PIGX: variants seen among roughly 807,000 people sequenced by gnomAD.
PIGX encodes phosphatidylinositol glycan anchor biosynthesis class X, also known as GPI alpha-1,4-mannosyltransferase I, stabilizing subunit.
In PIGX, 24 loss-of-function variants were observed where a neutral mutation model predicts 28.7. That is an observed-to-expected ratio of 0.84 (90% CI 0.60 to 1.17). The LOEUF (loss-of-function observed/expected upper bound fraction) is 1.17. PIGX is among the 50% of genes most tolerant of loss of function. PIGX has a pLI of 0.00. For synonymous variants in PIGX, 127 were observed against 121.0 expected, an observed-to-expected ratio of 1.05 and a Z score of -0.33; for missense variants, 305 against 317.8, an observed-to-expected ratio of 0.96 and a Z score of 0.31.
rs572056153 is a variant in PIGX, at chr3:196,729,233, G to T, written c.532+1097G>T. On this transcript the variant is annotated intron_variant, in intron 4 of 5. Transcript: ENST00000392391. ...CTGTAATCCCAGCTACTTGGGAGGC[G>T]GAGGCAGGAGAATCATTTGAACCCA... 2.1e-3 allele frequency among the ~76,000 whole-genome samples: 314 copies of T among 151,816 alleles called. 1 individual carries two copies. The highest frequency in any genetic ancestry group is 3.0e-3 in the Non-Finnish European group (206 of 67,926).
chr3:196,733,764 T>C lies in PIGX; in HGVS notation c.639T>C (p.Tyr213=). Residue 213 remains tyrosine (Y), a synonymous_variant, in exon 6 of 6, where the codon TAT becomes TAC. Coordinates refer to ENST00000392391, the MANE Select transcript of PIGX (RefSeq NM_017861.4). The surrounding 1 kb of genome is among the most constrained non-coding windows in gnomAD (Gnocchi z 4.3). ...TTCTCTCTCTCTCTCCATAGGTATATAAGAATGTGATTCTACAAGTTCCAG... is the reference window on the plus strand; with the variant it reads ...TTCTCTCTCTCTCTCCATAGGTATACAAGAATGTGATTCTACAAGTTCCAG... 1.3e-6 allele frequency: 2 copies of C among 1,593,620 alleles called. No individual in the cohort carries two copies. Among genetic ancestry groups the C allele is most frequent in the Non-Finnish European group, 8.6e-7 (1 of 1,161,414 alleles).
At chr3:196,713,845 A>G (rs1330339837) in intron 1 of PIGX, among the ~76,000 whole-genome samples, 1 of 151,802 alleles carries the variant, frequency 6.6e-6, no homozygotes, top group Non-Finnish European at 1.5e-5. Context: ...TCAAAAAAAA[A>G]AAAAAAAAGG....
intron 1 of PIGX, 96 bp from the exon 2 acceptor site, chr3:196,716,762 C>A: frequency 1.9e-6 from 1 of 523,052 alleles, no homozygotes; most frequent in South Asian, 4.4e-5. Flanking sequence ...ATTTTCTAGG[C>A]AAGTAAAGCC....
chr3:196,712,576 T>G lies in PIGX; in HGVS notation c.44T>G (p.Leu15Arg). 2 of 1,189,374 alleles carry G rather than the reference T, an allele frequency of 1.7e-6. No homozygotes were observed. The highest frequency in any genetic ancestry group is 2.1e-6 in the Non-Finnish European group (2 of 960,704). 73.7% of individuals were successfully genotyped at this position (1,189,374 alleles called of 1,614,324 possible). ...GCGGTTCGGGCGGCCGCCTGGCTGC[T>G]CCTCGGGGCGGCGACCGGGCTCACG... is the stretch of plus-strand genomic sequence containing the variant. Residue 15 changes from leucine (L) to arginine (R), a missense_variant, in exon 1 of 6, where the codon CTC becomes CGC. Physicochemically the swap from Leu to Arg is moderately radical, Grantham distance 102. Transcript: ENST00000392391.
At chr3:196,719,086 G>C (rs1444959437) in intron 2 of PIGX, among the ~76,000 whole-genome samples, 1 of 151,806 alleles carries the variant, frequency 6.6e-6, no homozygotes, top group Non-Finnish European at 1.5e-5. Context: ...TATAGTTCAG[G>C]GTGGCCAATT....
intron 4 of PIGX, 115 bp from the exon 5 acceptor site, chr3:196,730,877 C>A: frequency 1.8e-6 from 1 of 541,272 alleles, no homozygotes. Context: ...GGGTCCAGAT[C>A]ATATACATAA....
chr3:196,721,178 A>C (rs760753608), intron 2 of PIGX: 1 of 374,716 alleles, frequency 2.7e-6, no homozygotes, highest in South Asian at 2.0e-5. Flanking sequence ...CTTTTTTAGG[A>C]ACTCCAAATA....
chr3:196,724,072 C>T (rs1239227930), intron 3 of PIGX, among the ~76,000 whole-genome samples: 3 of 145,314 alleles, frequency 2.1e-5, no homozygotes, highest in East Asian at 4.1e-4. Flanking sequence ...GGCTGGAGTG[C>T]GGTGGCACAA....
At chr3:196,723,183 A>T (rs1417250399) in intron 3 of PIGX, among the ~76,000 whole-genome samples, 4 of 152,180 alleles carry the variant, frequency 2.6e-5, no homozygotes. Context: ...TTCTACAAAA[A>T]TACAAAAATT....
At chr3:196,714,053 T>G (rs1177269336) in intron 1 of PIGX, among the ~76,000 whole-genome samples, 1 of 152,216 alleles carries the variant, frequency 6.6e-6, no homozygotes, top group African/African-American at 2.4e-5. Context: ...TGCTGTCTGG[T>G]GTACATACCA....
rs776474585 is a variant in PIGX, at chr3:196,735,611, G to T, written c.*1709G>T. The T allele has an allele frequency of 6.6e-6, 1 of 152,124 alleles. No individual in the cohort carries two copies. The highest frequency in any genetic ancestry group is 1.5e-5 in the Non-Finnish European group (1 of 68,018). The allele number at this position is 152,124 out of a possible 1,614,324, so 9.4% of individuals were successfully genotyped here. On this transcript the variant is annotated 3_prime_UTR_variant, in exon 6 of 6. Coordinates refer to ENST00000392391, the MANE Select transcript of PIGX (RefSeq NM_017861.4). Reference sequence around the variant, plus strand: ...AAGCAGAAACAGTGACCTTTAAAATGACTAAAATTTCAACCCAGTATAGTT... The same window carrying T: ...AAGCAGAAACAGTGACCTTTAAAATTACTAAAATTTCAACCCAGTATAGTT...
At chr3:196,725,324 C>T (rs1041358348) in intron 3 of PIGX, among the ~76,000 whole-genome samples, 1 of 151,760 alleles carries the variant, frequency 6.6e-6, no homozygotes, top group African/African-American at 2.4e-5. Context: ...AAGAAATAGA[C>T]AAAATATATG....
At position 196,728,093 on chromosome 3, in the gene PIGX, G is replaced by A. The variant is rs2108685871; in HGVS notation, c.489G>A (p.Ser163=). Residue 163 remains serine (S), a synonymous_variant, in exon 4 of 6, where the codon TCG becomes TCA. Transcript: ENST00000392391. ...CGCACAGTGAAGATGGAGAAGCCTC[G>A]ATTGTGGTCAATAACCCAGATTTGT... 1.1e-5 allele frequency: 17 copies of A among 1,614,098 alleles called. No homozygotes were observed. Among genetic ancestry groups the A allele is most frequent in the Admixed American group, 1.7e-5 (1 of 60,018 alleles).
At chr3:196,718,977 T>C (rs551909535) in intron 2 of PIGX, among the ~76,000 whole-genome samples, 8 of 152,318 alleles carry the variant, frequency 5.3e-5, no homozygotes, top group African/African-American at 1.9e-4. Context: ...TATTCTAATA[T>C]TAATATAGCC....
chr3:196,726,734 C>A, intron 3 of PIGX: 1 of 454,472 alleles, frequency 2.2e-6, no homozygotes, highest in South Asian at 1.6e-5. Context: ...GAATTTATTG[C>A]AGACATTGTA....
chr3:196,732,568 C>G (rs547960282), intron 5 of PIGX, among the ~76,000 whole-genome samples: 36 of 152,062 alleles, frequency 2.4e-4, no homozygotes, highest in Admixed American at 1.8e-3. Context: ...GCATGAGCCA[C>G]TGCACCCGGC....
At chr3:196,728,381 C>T (rs779682884) in intron 4 of PIGX, 14 of 589,050 alleles carry the variant, frequency 2.4e-5, no homozygotes, top group South Asian at 4.3e-5. Context: ...TCCTTGACTG[C>T]GCTGCCCCAA....
intron 1 of PIGX, among the ~76,000 whole-genome samples, chr3:196,715,210 C>A (rs1395071683): frequency 6.6e-6 from 1 of 152,132 alleles, no homozygotes; most frequent in Non-Finnish European, 1.5e-5. Context: ...AATACAATTT[C>A]TTTTTTGAGG....
intron 1 of PIGX, among the ~76,000 whole-genome samples, chr3:196,713,650 T>A (rs1159432615): frequency 6.6e-6 from 1 of 151,906 alleles, no homozygotes; most frequent in Non-Finnish European, 1.5e-5. Context: ...TGTAGAGGCT[T>A]CCAACGTTAG....
Sources: gnomAD v4.1 joint callset for allele counts (sites outside exome capture counted in the v4.1 genomes callset) on GRCh38, gnomAD v4.1.1 for gene constraint, Gnocchi (gnomAD v3.1) non-coding constraint, MANE v1.5 for transcripts, NCBI Gene and HGNC (gene_info 2026-07-23, HGNC 2026-07-21) for gene names.